The following RFX2 variants were observed in gnomAD, a reference collection of about 807,000 sequenced individuals.
RFX2 encodes DNA-binding protein RFX2.
In RFX2, 20 loss-of-function variants were observed where a neutral mutation model predicts 87.8. The observed-to-expected ratio is 0.23, with a 90% confidence interval of 0.16 to 0.33. RFX2 has a LOEUF of 0.33. RFX2 is among the 10% of genes least tolerant of loss of function. The probability of loss-of-function intolerance (pLI) is 1.00; values close to 1 mark genes in which losing one functional copy is unlikely to be tolerated. For missense variants in RFX2, 767 were observed against 1,012.3 expected (o/e 0.76, Z 3.29); for synonymous variants, 397 against 431.3 (o/e 0.92, Z 0.98).
At position 5,999,636 on chromosome 19, in the gene RFX2, C is replaced by T. The variant is rs1437893509; in HGVS notation, c.1859+2179G>A. Among the ~76,000 whole-genome samples the T allele has an allele frequency of 6.6e-6, 1 of 152,118 alleles. No individual in the cohort carries two copies. The highest frequency in any genetic ancestry group is 1.5e-5 in the Non-Finnish European group (1 of 68,030). On this transcript the variant is annotated intron_variant, in intron 15 of 17. Transcript: ENST00000303657. The surrounding 1 kb of genome is among the most constrained non-coding windows in gnomAD (Gnocchi z 4.1). ...TCCTCTCATTCATTCACTGAGCCAG[C>T]ATTTAAACAGAAGTGAGGTCCCGGC...
At chr19:6,069,460 T>A (rs1336354031) in intron 1 of RFX2, among the ~76,000 whole-genome samples, 1 of 152,132 alleles carries the variant, frequency 6.6e-6, no homozygotes, top group Non-Finnish European at 1.5e-5. Context: ...GTATACAGGA[T>A]GTAGGCTGGA....
intron 9 of RFX2, among the ~76,000 whole-genome samples, chr19:6,009,831 G>A (rs2086637288): frequency 6.6e-6 from 1 of 152,238 alleles, no homozygotes; most frequent in Non-Finnish European, 1.5e-5. Flanking sequence ...CTCCCAAGGT[G>A]TTGGGATCAC....
rs1367268200 is a variant in RFX2, at chr19:5,994,877, C to T, written c.2130G>A (p.Lys710=). Residue 710 remains lysine (K), a synonymous_variant, in exon 18 of 18, where the codon AAG becomes AAA. Transcript: ENST00000303657. ...DARSLGEPLV[K]RERSDPNHSL... ...AGTGGTTGGGGTCACTGCGCTCCCG[C>T]TTTACCAGGGGCTCACCCAGGCTGC... 1.9e-6 allele frequency: 3 copies of T among 1,610,630 alleles called. No individual in the cohort carries two copies. In the Admixed American group the frequency reaches 5.0e-5, roughly 27 times the overall value.
chr19:5,995,627 G>C lies in RFX2; in HGVS notation c.2030C>G (p.Ser677Cys). 1 of 1,552,562 alleles carries C rather than the reference G, an allele frequency of 6.4e-7. No individual in the cohort carries two copies. The highest frequency in any genetic ancestry group is 1.2e-5 in the South Asian group (1 of 84,090). Residue 677 changes from serine to cysteine, a missense_variant, in exon 17 of 18, where the codon TCT becomes TGT. Around this residue, in one of 2 missense-constraint regions of RFX2, gnomAD observed 621 missense variants for 873.0 expected, o/e 0.71. Coordinates refer to ENST00000303657, the MANE Select transcript of RFX2 (RefSeq NM_000635.4). The stretch of plus-strand genomic sequence containing the variant: ...TTTGTCGAGCAGCGTCAGCGACAGA[G>C]AGGCGAGATCGTTGAACTGAAAGAG... ...AVMGEFNDLASLSLTLLDKDD... is the reference protein window; with the variant it reads ...AVMGEFNDLACLSLTLLDKDD...
In RFX2 at chr19:6,101,665, C is replaced by G. The variant is rs927681764; in HGVS notation, c.-9+8728G>C. On this transcript the variant is annotated intron_variant, in intron 1 of 17. Coordinates refer to ENST00000303657, the MANE Select transcript of RFX2 (RefSeq NM_000635.4). The surrounding 1 kb of genome is among the most constrained non-coding windows in gnomAD (Gnocchi z 4.9). ...AGGAGACAGGCGTTCATGAGTCAAG[C>G]CTTCTGCCTTTCTGTGGGGACCCAA... Among the ~76,000 whole-genome samples the G allele has an allele frequency of 6.6e-6, 1 of 152,198 alleles. No homozygotes were observed. Among genetic ancestry groups the G allele is most frequent in the Non-Finnish European group, 1.5e-5 (1 of 68,024 alleles).
At position 6,002,470 on chromosome 19, in the gene RFX2, G is replaced by T. The variant is rs190921920; in HGVS notation, c.1650+251C>A. Among the ~76,000 whole-genome samples, 1 of 152,258 alleles carries T rather than the reference G, an allele frequency of 6.6e-6. No homozygotes were observed. Among genetic ancestry groups the T allele is most frequent in the Non-Finnish European group, 1.5e-5 (1 of 68,046 alleles). Reference sequence around the variant, plus strand: ...GTGGTGCCACGATCCTGGAAGCTGGGGGCCTTTGTGAGGAAAATGAGCAGA... The same window carrying T: ...GTGGTGCCACGATCCTGGAAGCTGGTGGCCTTTGTGAGGAAAATGAGCAGA... On this transcript the variant is annotated intron_variant, in intron 14 of 17. Coordinates refer to ENST00000303657, the MANE Select transcript of RFX2 (RefSeq NM_000635.4). The surrounding 1 kb of genome is among the most constrained non-coding windows in gnomAD (Gnocchi z 6.7).
At chr19:6,084,836 G>A (rs2087835068) in intron 1 of RFX2, among the ~76,000 whole-genome samples, 1 of 152,206 alleles carries the variant, frequency 6.6e-6, no homozygotes, top group Middle Eastern at 3.4e-3. Flanking sequence ...GTTTCACCAT[G>A]TTGGCCAGGC....
chr19:6,033,943 G>A (rs1320997621), intron 5 of RFX2, among the ~76,000 whole-genome samples: 1 of 152,228 alleles, frequency 6.6e-6, no homozygotes, highest in Non-Finnish European at 1.5e-5. Context: ...AAGGCAGGCA[G>A]TGGGAAGAGC....
intron 1 of RFX2, among the ~76,000 whole-genome samples, chr19:6,097,103 G>A (rs1267048072): frequency 6.6e-6 from 1 of 152,216 alleles, no homozygotes; most frequent in Non-Finnish European, 1.5e-5. Flanking sequence ...TAGAAAAGAG[G>A]GCAGTGGGTT....
rs114357279 is a variant in RFX2, at chr19:6,075,767, G to T, written c.-8-28263C>A. On this transcript the variant is annotated intron_variant, in intron 1 of 17. Transcript: ENST00000303657. Reference sequence around the variant, plus strand: ...ATGCAGCTGCCACCTAGGCAGCTAGGTACACAAGTCCAGGATTCGGGGAGT... The same window carrying T: ...ATGCAGCTGCCACCTAGGCAGCTAGTTACACAAGTCCAGGATTCGGGGAGT... Among the ~76,000 whole-genome samples, 1,045 of 152,274 alleles carry T rather than the reference G, an allele frequency of 6.9e-3. 9 individuals carry two copies. The highest frequency in any genetic ancestry group is 0.024 in the African/African-American group (1,001 of 41,544).
intron 13 of RFX2, among the ~76,000 whole-genome samples, chr19:6,003,078 A>G (rs369969236): frequency 3.3e-5 from 5 of 152,214 alleles, no homozygotes; most frequent in East Asian, 1.9e-4. Flanking sequence ...CACATCACAC[A>G]CGTCGCTAAC....
Position 6,013,187 on chromosome 19 carries a change from T to C in RFX2, c.780-82A>G. Reference sequence around the variant, plus strand: ...CAGGTTGGGATTCTTTTTCTTTCTTTCTTCTTTTTTTTTTTTGAGACAGAA... The same window carrying C: ...CAGGTTGGGATTCTTTTTCTTTCTTCCTTCTTTTTTTTTTTTGAGACAGAA... On this transcript the variant is annotated intron_variant, in intron 7 of 17. Transcript: ENST00000303657. The surrounding 1 kb of genome is among the most constrained non-coding windows in gnomAD (Gnocchi z 4.1). 1 of 1,383,634 alleles carries C rather than the reference T, an allele frequency of 7.2e-7. No homozygotes were observed. Among genetic ancestry groups the C allele is most frequent in the Non-Finnish European group, 9.6e-7 (1 of 1,041,394 alleles). The allele number at this position is 1,383,634 out of a possible 1,614,324, so 85.7% of individuals were successfully genotyped here.
Position 6,040,094 on chromosome 19 carries a change from G to A in RFX2, c.408C>T (p.Thr136=), listed in dbSNP as rs769165602. Reference sequence around the variant, plus strand: ...CGATGGGGCTCCCCCCGACATCCATGGTGATGCCCACCATGCTGTGGGAGG... The same window carrying A: ...CGATGGGGCTCCCCCCGACATCCATAGTGATGCCCACCATGCTGTGGGAGG... ...AVPSHSMVGI[T]MDVGGSPIVS... is the part of the protein sequence containing the mutation. The change falls in exon 5 of 18, where the codon ACC becomes ACT. Residue 136 remains threonine (T), a synonymous_variant. Coordinates refer to ENST00000303657, the MANE Select transcript of RFX2 (RefSeq NM_000635.4). This position sits in a 1 kb window ranked among gnomAD's most constrained non-coding sequence, Gnocchi z 6.1. 3 of 1,612,340 alleles carry A rather than the reference G, an allele frequency of 1.9e-6. No homozygotes were observed. Among genetic ancestry groups the A allele is most frequent in the East Asian group, 4.5e-5 (2 of 44,866 alleles).
rs945481382 is a variant in RFX2 at position 6,040,148 on chromosome 19, G to A, written c.354C>T (p.Thr118=). 10 of 1,607,308 alleles carry A rather than the reference G, an allele frequency of 6.2e-6. No individual in the cohort carries two copies. The highest frequency in any genetic ancestry group is 1.3e-5 in the African/African-American group (1 of 74,778). ...CCGCTGGCGGGGACGAGGCTGCCACGGTCACCTGGGCACCGCCTGGGGCCT... is the reference window on the plus strand; with the variant it reads ...CCGCTGGCGGGGACGAGGCTGCCACAGTCACCTGGGCACCGCCTGGGGCCT... ...YFEAPGGAQV[T]VAASSPPAVP... The change falls in exon 5 of 18, where the codon ACC becomes ACT. Residue 118 remains threonine (T), a synonymous_variant. Coordinates refer to ENST00000303657, the MANE Select transcript of RFX2 (RefSeq NM_000635.4). This position sits in a 1 kb window ranked among gnomAD's most constrained non-coding sequence, Gnocchi z 6.1.
Position 5,994,408 on chromosome 19 carries a change from A to G in RFX2, c.*427T>C, listed in dbSNP as rs1274501281. ...AGGAGGGGAGAGGCCGTCCCTTTCT[A>G]GTCGGGCTCTGCCAGGTTTTTTTAA... is the stretch of plus-strand genomic sequence containing the variant. On this transcript the variant is annotated 3_prime_UTR_variant, in exon 18 of 18. Transcript: ENST00000303657. The G allele has an allele frequency of 6.4e-6, 1 of 156,430 alleles. No homozygotes were observed. Among genetic ancestry groups the G allele is most frequent in the African/African-American group, 2.4e-5 (1 of 41,548 alleles). The allele number at this position is 156,430 out of a possible 1,614,324, so 9.7% of individuals were successfully genotyped here. A position where few individuals can be genotyped will look rare whatever the true frequency, so the allele number is the denominator to read the frequency against.
Position 6,013,494 on chromosome 19 carries a change from C to CTT in RFX2, c.780-391_780-390dup, listed in dbSNP as rs59750158. On this transcript the variant is annotated intron_variant, in intron 7 of 17. Transcript: ENST00000303657. This position sits in a 1 kb window ranked among gnomAD's most constrained non-coding sequence, Gnocchi z 4.1. ...AGCCACTGCGCCTGGCCTCTTCTCT[C>CTT]TTTTTTTTTTTTTTCAGAAACAGGG... Among the ~76,000 whole-genome samples, 1,980 of 141,352 alleles carry CTT rather than the reference C, an allele frequency of 0.014. 57 individuals carry two copies. Among genetic ancestry groups the CTT allele is most frequent in the African/African-American group, 0.049 (1,890 of 38,464 alleles). The allele number at this position is 141,352 out of a possible 152,430, so 92.7% of individuals were successfully genotyped here.
In RFX2 at chr19:6,007,700, G is replaced by C. The variant is rs781167940; in HGVS notation, c.1237C>G (p.Leu413Val). 2 of 1,551,566 alleles carry C rather than the reference G, an allele frequency of 1.3e-6. No homozygotes were observed. Among genetic ancestry groups the C allele is most frequent in the South Asian group, 2.4e-5 (2 of 84,204 alleles). Residue 413 changes from leucine to valine, a missense_variant, in exon 11 of 18, where the codon CTT becomes GTT. By Grantham distance (32) the Leu-to-Val change is conservative (BLOSUM62 1). Transcript: ENST00000303657. The surrounding 1 kb of genome is among the most constrained non-coding windows in gnomAD (Gnocchi z 8.2). ...GGGTGTGGCAGTCACCTGGCAGGAA[G>C]AGAGGTGGGGCCGTCGCTGGAGGAG... is the stretch of plus-strand genomic sequence containing the variant. ...KASSSDGPTS[L>V]PASDEDPEGA...
At chr19:6,079,756 C>G (rs905885374) in intron 1 of RFX2, among the ~76,000 whole-genome samples, 1 of 151,812 alleles carries the variant, frequency 6.6e-6, no homozygotes, top group Non-Finnish European at 1.5e-5. Context: ...CATGGTGGCT[C>G]GTGCCTGTAG....
At chr19:6,097,623 C>G (rs952416566) in intron 1 of RFX2, among the ~76,000 whole-genome samples, 4 of 152,092 alleles carry the variant, frequency 2.6e-5, no homozygotes, top group Admixed American at 2.6e-4. Context: ...ACAGGTCTCA[C>G]CCTCTCACCC....
Sources: gnomAD v4.1 joint callset for allele counts (sites outside exome capture counted in the v4.1 genomes callset) on GRCh38, gnomAD v4.1.1 for gene constraint, gnomAD v4.1.1 regional missense constraint, Gnocchi (gnomAD v3.1) non-coding constraint, MANE v1.5 for transcripts, NCBI Gene and HGNC (gene_info 2026-07-23, HGNC 2026-07-21) for gene names.